WHRN: variants seen among roughly 807,000 people sequenced by gnomAD.
WHRN encodes the protein CASK-interacting protein CIP98.
Under a neutral mutation model 68.3 loss-of-function variants are expected in WHRN, and 41 were observed. That is an observed-to-expected ratio of 0.60 (90% CI 0.47 to 0.78). The LOEUF (loss-of-function observed/expected upper bound fraction) is 0.78, where lower values mean the gene tolerates loss of function less well. Ranked by LOEUF, WHRN falls within the 30% of genes least tolerant of loss-of-function variation. The pLI, the probability that WHRN is intolerant of heterozygous loss-of-function variation, is 0.00. For missense variants in WHRN, 1,243 were observed against 1,244.7 expected (o/e 1.00, Z 0.02); for synonymous variants, 560 against 561.3 (o/e 1.00, Z 0.03).
At chr9:114,415,422 TCTC>T (rs1278192632) in intron 7 of WHRN, among the ~76,000 whole-genome samples, 1 of 152,006 alleles carries the variant, frequency 6.6e-6, no homozygotes, top group Non-Finnish European at 1.5e-5. Flanking sequence ...GCCCTACTGG[TCTC>T]CTTCCATTCT....
At chr9:114,465,277 T>C (rs1245423862) in intron 3 of WHRN, among the ~76,000 whole-genome samples, 1 of 152,222 alleles carries the variant, frequency 6.6e-6, no homozygotes, top group Non-Finnish European at 1.5e-5. Context: ...AATCTCCTGA[T>C]ATTAGGGCAT....
At chr9:114,442,266 G>A (rs961876776) in intron 3 of WHRN, among the ~76,000 whole-genome samples, 3 of 152,188 alleles carry the variant, frequency 2.0e-5, no homozygotes, top group Admixed American at 2.0e-4. Context: ...GGGACAAATG[G>A]CAAATGCTGG....
At chr9:114,415,618 G>C (rs554719320) in intron 7 of WHRN, among the ~76,000 whole-genome samples, 5 of 152,154 alleles carry the variant, frequency 3.3e-5, no homozygotes, top group East Asian at 1.9e-4. Flanking sequence ...CCTTCAGCCC[G>C]CTTTATCAGA....
Position 114,411,142 on chromosome 9 carries a change from C to T in WHRN, c.1627-3124G>A, listed in dbSNP as rs1589075426. Among the ~76,000 whole-genome samples, 2 of 152,232 alleles carry T rather than the reference C, an allele frequency of 1.3e-5. 1 individual carries two copies. Among genetic ancestry groups the T allele is most frequent in the South Asian group, 4.1e-4 (2 of 4,822 alleles). ...AATCTGCCCCAGCAAGAGAATGAAC[C>T]GCGAGACGTGTCCTGGCCCATATGA... On this transcript the variant is annotated intron_variant, in intron 7 of 11. Coordinates refer to ENST00000362057, the MANE Select transcript of WHRN (RefSeq NM_015404.4).
At chr9:114,498,558 G>A (rs1288511860) in intron 1 of WHRN, among the ~76,000 whole-genome samples, 4 of 152,136 alleles carry the variant, frequency 2.6e-5, no homozygotes, top group East Asian at 1.9e-4. Flanking sequence ...TCTACTCGAC[G>A]ATGGAACAGG....
chr9:114,435,399 G>T (rs1413271320), intron 3 of WHRN, among the ~76,000 whole-genome samples: 1 of 152,232 alleles, frequency 6.6e-6, no homozygotes, highest in East Asian at 1.9e-4. Flanking sequence ...CATTTGACAA[G>T]GCCAGGGCAT....
At position 114,426,286 on chromosome 9, in the gene WHRN, T is replaced by C. The variant is rs10817610; in HGVS notation, c.1091A>G (p.His364Arg). The change falls in exon 4 of 12, where the codon CAT becomes CGT. Residue 364 changes from histidine to arginine, a missense_variant. His to Arg is a conservative substitution (Grantham distance 29). Coordinates refer to ENST00000362057, the MANE Select transcript of WHRN (RefSeq NM_015404.4). Reference protein sequence around the residue: ...LTVKDVGRLPHARTTVDETKW... With the variant: ...LTVKDVGRLPRARTTVDETKW... ...GGTCTCGTCCACAGTGGTGCGGGCA[T>C]GGGGCAGCCTCCCGACGTCCTTCAC... 5,076 of 1,613,430 alleles carry C rather than the reference T, an allele frequency of 3.1e-3. 139 individuals are homozygous for C. The African/African-American group carries it at 0.06, about 19-fold the overall frequency.
intron 7 of WHRN, among the ~76,000 whole-genome samples, chr9:114,420,626 G>A (rs1162365460): frequency 6.6e-6 from 1 of 152,134 alleles, no homozygotes; most frequent in African/African-American, 2.4e-5. Context: ...GTACCTGGGT[G>A]GGATGAAGGT....
chr9:114,450,101 A>T (rs1407520650), intron 3 of WHRN, among the ~76,000 whole-genome samples: 1 of 152,006 alleles, frequency 6.6e-6, no homozygotes, highest in Admixed American at 6.5e-5. Flanking sequence ...GGCACTCCCG[A>T]GGGCATGGCT....
chr9:114,438,122 T>C (rs1295617518), intron 3 of WHRN, among the ~76,000 whole-genome samples: 2 of 152,002 alleles, frequency 1.3e-5, no homozygotes. Flanking sequence ...GTAGTCCCAG[T>C]TACCTGGGAG....
intron 3 of WHRN, among the ~76,000 whole-genome samples, chr9:114,434,909 T>A (rs900307258): frequency 3.9e-5 from 6 of 152,106 alleles, no homozygotes; most frequent in African/African-American, 1.4e-4. Context: ...CCCCTACTGC[T>A]TTTTTTCCGA....
At chr9:114,481,991 C>T (rs542115541) in intron 1 of WHRN, among the ~76,000 whole-genome samples, 1 of 152,092 alleles carries the variant, frequency 6.6e-6, no homozygotes, top group Admixed American at 6.5e-5. Context: ...GACAAGGCAT[C>T]GTGTGGCACA....
At chr9:114,490,520 GT>G (rs1274490909) in intron 1 of WHRN, among the ~76,000 whole-genome samples, 5 of 150,934 alleles carry the variant, frequency 3.3e-5, no homozygotes, top group East Asian at 2.0e-4. Flanking sequence ...TAAAGAAAAA[GT>G]TTTTTTTAAA....
intron 7 of WHRN, among the ~76,000 whole-genome samples, chr9:114,410,068 A>G (rs1344899934): frequency 6.6e-6 from 1 of 151,734 alleles, no homozygotes; most frequent in East Asian, 1.9e-4. Flanking sequence ...TGCCGCTCTC[A>G]CTCTGCACCA....
intron 1 of WHRN, among the ~76,000 whole-genome samples, chr9:114,495,912 C>T (rs1564234286): frequency 6.6e-6 from 1 of 152,208 alleles, no homozygotes; most frequent in Non-Finnish European, 1.5e-5. Flanking sequence ...AAATCCCTCC[C>T]CTGACTTTCA....
chr9:114,482,085 G>C (rs1361419241), intron 1 of WHRN, among the ~76,000 whole-genome samples: 3 of 152,032 alleles, frequency 2.0e-5, no homozygotes, highest in Non-Finnish European at 4.4e-5. Flanking sequence ...CTTGTGCATA[G>C]TGAAGAGCAA....
At chr9:114,460,456 G>T (rs1360870095) in intron 3 of WHRN, among the ~76,000 whole-genome samples, 1 of 152,252 alleles carries the variant, frequency 6.6e-6, no homozygotes, top group Non-Finnish European at 1.5e-5. Flanking sequence ...CTATCATTAT[G>T]ATTAATTTCA....
chr9:114,419,724 G>C (rs1029949867), intron 7 of WHRN, among the ~76,000 whole-genome samples: 3 of 152,136 alleles, frequency 2.0e-5, no homozygotes, highest in Admixed American at 6.5e-5. Context: ...AAGGCCAAGG[G>C]GTCTCTCAAC....
chr9:114,460,504 G>A lies in WHRN; in HGVS notation c.963+5763C>T, dbSNP rs368343554. Among the ~76,000 whole-genome samples the A allele has an allele frequency of 1.1e-3, 166 of 152,344 alleles. 6 individuals are homozygous for A. In the South Asian group the frequency reaches 0.033, roughly 30 times the overall value. On this transcript the variant is annotated intron_variant, in intron 3 of 11. Transcript: ENST00000362057. ...TCTCAGTTGTCCTTAAAGGAACAAA[G>A]GAGGTTTTGTGGTCCATTCTTTGGT...
Sources: allele counts gnomAD v4.1 joint callset (sites outside exome capture counted in the v4.1 genomes callset), GRCh38; gene constraint gnomAD v4.1.1; transcripts MANE v1.5; gene names NCBI Gene and HGNC (gene_info 2026-07-23, HGNC 2026-07-21).